The following FBXL17 variants were observed in gnomAD, a reference collection of about 807,000 sequenced individuals.
FBXL17 encodes F-box/LRR-repeat protein 17.
FBXL17 carries 22 observed loss-of-function variants against 66.2 expected under a neutral mutation model. That is an observed-to-expected ratio of 0.33 (90% CI 0.24 to 0.47). FBXL17 has a LOEUF of 0.47. Ranked by LOEUF, FBXL17 falls within the 20% of genes least tolerant of loss-of-function variation. The pLI, the probability that FBXL17 is intolerant of heterozygous loss-of-function variation, is 1.00. For missense variants in FBXL17, 878 were observed against 948.2 expected (o/e 0.93, Z 0.97); for synonymous variants, 474 against 400.5 (o/e 1.18, Z -2.19).
intron 4 of FBXL17, among the ~76,000 whole-genome samples, chr5:108,314,156 A>C (rs551109897): frequency 6.6e-6 from 1 of 151,896 alleles, no homozygotes; most frequent in Admixed American, 6.6e-5. Flanking sequence ...AAACATTTTA[A>C]TACTACCAAT....
At chr5:108,280,812 A>G (rs1757673062) in intron 4 of FBXL17, among the ~76,000 whole-genome samples, 1 of 151,910 alleles carries the variant, frequency 6.6e-6, no homozygotes, top group African/African-American at 2.4e-5. Context: ...ACTAAAAATA[A>G]AGGGGTAAAA....
chr5:107,952,585 C>T (rs150643038), intron 7 of FBXL17, among the ~76,000 whole-genome samples: 7 of 152,252 alleles, frequency 4.6e-5, no homozygotes, highest in Non-Finnish European at 8.8e-5. Context: ...ATGTGATTGT[C>T]TTATTTTAAT....
rs764302968 is a variant in FBXL17 at position 108,339,579 on chromosome 5, T to TAA, written c.1506+8818_1506+8819dup. On this transcript the variant is annotated intron_variant, in intron 4 of 8. Coordinates refer to ENST00000542267, the MANE Select transcript of FBXL17 (RefSeq NM_001163315.3). ...AAGCAAATAAAAATTAGATTTTTAT[T>TAA]AAAAAAAAAAAAGGACTTAAACTAC... 1.1e-3 allele frequency among the ~76,000 whole-genome samples: 157 copies of TAA among 141,056 alleles called. 2 individuals are homozygous for TAA. The highest frequency in any genetic ancestry group is 3.8e-3 in the African/African-American group (149 of 38,928). The allele number at this position is 141,056 out of a possible 152,430, so 92.5% of individuals were successfully genotyped here.
chr5:108,128,915 A>G (rs1750820118), intron 6 of FBXL17, among the ~76,000 whole-genome samples: 1 of 152,108 alleles, frequency 6.6e-6, no homozygotes, highest in South Asian at 2.1e-4. Flanking sequence ...GAGCCCAACC[A>G]AGCTCAATTA....
At chr5:108,242,110 C>T (rs887161808) in intron 4 of FBXL17, among the ~76,000 whole-genome samples, 2 of 152,050 alleles carry the variant, frequency 1.3e-5, no homozygotes, top group Non-Finnish European at 2.9e-5. Context: ...TAAGTACATA[C>T]AAAAACACAG....
chr5:108,139,556 G>T lies in FBXL17; in HGVS notation c.1745+46561C>A, dbSNP rs189258463. On this transcript the variant is annotated intron_variant, in intron 6 of 8. Coordinates refer to ENST00000542267, the MANE Select transcript of FBXL17 (RefSeq NM_001163315.3). ...CACTCAGCAATTCTACATTCTGCTCGTCAGCTCCCTCTGCCACTTCTAATA... is the reference window on the plus strand; with the variant it reads ...CACTCAGCAATTCTACATTCTGCTCTTCAGCTCCCTCTGCCACTTCTAATA... Among the ~76,000 whole-genome samples, 269 of 152,202 alleles carry T rather than the reference G, an allele frequency of 1.8e-3. 1 individual carries two copies. The highest frequency in any genetic ancestry group is 6.3e-3 in the African/African-American group (262 of 41,520).
chr5:107,946,252 AT>A (rs201604465), intron 7 of FBXL17, among the ~76,000 whole-genome samples: 1 of 56,904 alleles, frequency 1.8e-5, no homozygotes, highest in African/African-American at 7.2e-5. Flanking sequence ...TATCAATCTC[AT>A]TTTATATATA....
At chr5:108,260,742 A>G (rs1756780640) in intron 4 of FBXL17, among the ~76,000 whole-genome samples, 1 of 152,110 alleles carries the variant, frequency 6.6e-6, no homozygotes, top group African/African-American at 2.4e-5. Flanking sequence ...GGAGCAGAGG[A>G]GGCAATGGCC....
At chr5:108,197,047 C>A (rs973939737) in intron 5 of FBXL17, among the ~76,000 whole-genome samples, 3 of 152,132 alleles carry the variant, frequency 2.0e-5, no homozygotes, top group Admixed American at 1.3e-4. Flanking sequence ...CTCTGCTCCT[C>A]CTCTTTCACT....
chr5:107,934,858 T>A (rs1287196395), intron 7 of FBXL17, among the ~76,000 whole-genome samples: 1 of 152,170 alleles, frequency 6.6e-6, no homozygotes, highest in African/African-American at 2.4e-5. Flanking sequence ...CATACTTTAA[T>A]GTACTTTGGA....
intron 3 of FBXL17, among the ~76,000 whole-genome samples, chr5:108,362,522 A>G (rs1002671910): frequency 6.6e-6 from 1 of 152,146 alleles, no homozygotes; most frequent in Admixed American, 6.5e-5. Context: ...AGATATATAC[A>G]ATAGGAACAC....
At chr5:108,372,122 C>A (rs747461297) in intron 1 of FBXL17, among the ~76,000 whole-genome samples, 1 of 152,214 alleles carries the variant, frequency 6.6e-6, no homozygotes, top group South Asian at 2.1e-4. Flanking sequence ...TGTCCAAGTG[C>A]CACCAAATGA....
chr5:108,270,652 T>A (rs900575548), intron 4 of FBXL17, among the ~76,000 whole-genome samples: 23 of 151,982 alleles, frequency 1.5e-4, no homozygotes, highest in African/African-American at 5.3e-4. Context: ...CTCAGTATGA[T>A]GTTTGTTTCA....
chr5:108,371,306 T>C (rs1402206780), intron 1 of FBXL17, among the ~76,000 whole-genome samples: 1 of 152,176 alleles, frequency 6.6e-6, no homozygotes, highest in Non-Finnish European at 1.5e-5. Flanking sequence ...CCCACTACTG[T>C]TTCTTAATTT....
Position 108,381,409 on chromosome 5 carries a change from A to AGGC in FBXL17, c.280_282dup (p.Ala94dup), listed in dbSNP as rs1181151991. 6 of 1,324,056 alleles carry AGGC rather than the reference A, an allele frequency of 4.5e-6. No homozygotes were observed. The highest frequency in any genetic ancestry group is 5.7e-6 in the Non-Finnish European group (6 of 1,046,284). 82.0% of individuals were successfully genotyped at this position (1,324,056 alleles called of 1,614,324 possible). A position where few individuals can be genotyped will look rare whatever the true frequency, so the allele number is the denominator to read the frequency against. On this transcript the variant is annotated inframe_insertion, in exon 1 of 9. Coordinates refer to ENST00000542267, the MANE Select transcript of FBXL17 (RefSeq NM_001163315.3). ...CGCCGCGCCAGGTGCTGAGAGGAGG[A>AGGC]GGCGGCAGCGTAGGCCCCGTCCCGC...
At chr5:107,888,508 C>T (rs549823459) in intron 7 of FBXL17, among the ~76,000 whole-genome samples, 51 of 152,310 alleles carry the variant, frequency 3.3e-4, no homozygotes, top group Admixed American at 2.4e-3. Flanking sequence ...GGTCTTTCAT[C>T]CCCACTTCAG....
intron 6 of FBXL17, among the ~76,000 whole-genome samples, chr5:108,097,810 A>G (rs1749439482): frequency 6.6e-6 from 1 of 151,534 alleles, no homozygotes; most frequent in Non-Finnish European, 1.5e-5. Flanking sequence ...TTATATCTTC[A>G]GAGGTGTCTT....
chr5:108,334,016 T>A (rs1760259466), intron 4 of FBXL17, among the ~76,000 whole-genome samples: 1 of 152,210 alleles, frequency 6.6e-6, no homozygotes, highest in East Asian at 1.9e-4. Context: ...AATGTAGAGT[T>A]TGATGACTTG....
At chr5:108,067,541 G>A (rs1471578489) in intron 6 of FBXL17, among the ~76,000 whole-genome samples, 1 of 152,080 alleles carries the variant, frequency 6.6e-6, no homozygotes, top group African/African-American at 2.4e-5. Context: ...TAGATTGTGC[G>A]GGCTATTTCT....
Sources: allele counts gnomAD v4.1 joint callset (sites outside exome capture counted in the v4.1 genomes callset), GRCh38; gene constraint gnomAD v4.1.1; transcripts MANE v1.5; gene names NCBI Gene and HGNC (gene_info 2026-07-23, HGNC 2026-07-21).